TNIP3: variants seen among roughly 807,000 people sequenced by gnomAD.
TNIP3 encodes the protein TNFAIP3 interacting protein 3.
Under a neutral mutation model 54.1 loss-of-function variants are expected in TNIP3, and 34 were observed. The ratio of observed to expected loss-of-function variants is 0.63; its 90% CI spans 0.48 to 0.84. The LOEUF is 0.84. Among genes scored for constraint, TNIP3 ranks in the 40% least tolerant of loss-of-function variants. TNIP3 has a pLI of 0.00. For synonymous variants in TNIP3, 134 were observed against 136.8 expected, an observed-to-expected ratio of 0.98 and a Z score of 0.14; for missense variants, 366 against 387.6, an observed-to-expected ratio of 0.94 and a Z score of 0.47.
chr4:121,168,128 G>GCA (rs1730864389), upstream of TNIP3, among the ~76,000 whole-genome samples: 2 of 152,122 alleles, frequency 1.3e-5, no homozygotes, highest in African/African-American at 4.8e-5. Flanking sequence ...CAGGGGAGGA[G>GCA]CACATTGCCA....
chr4:121,175,391 A>G (rs1168378824), intron 3 of TNIP3, among the ~76,000 whole-genome samples: 2 of 152,162 alleles, frequency 1.3e-5, no homozygotes, highest in East Asian at 3.8e-4. Context: ...CTTCTAATTA[A>G]CATTTATAAT....
At chr4:121,213,523 G>C (rs1022368818) in intron 2 of TNIP3, among the ~76,000 whole-genome samples, 1 of 151,936 alleles carries the variant, frequency 6.6e-6, no homozygotes, top group Admixed American at 6.6e-5. Flanking sequence ...TCAGGAGATC[G>C]AGACCATTCT....
intron 2 of TNIP3, among the ~76,000 whole-genome samples, chr4:121,189,854 G>T (rs1240956928): frequency 6.6e-6 from 1 of 152,130 alleles, no homozygotes; most frequent in Non-Finnish European, 1.5e-5. Flanking sequence ...TGCATTCTTG[G>T]CTAGCTCCCT....
At position 121,154,608 on chromosome 4, in the gene TNIP3, A is replaced by G; in HGVS notation, c.435T>C (p.Asn145=). The part of the protein sequence containing the change: ...KEENKLLKGK[N]TLANKEKEHY... ...GTTCCTTTTCCTTGTTCGCAAGAGTATTTTTTCCCTTTAAAAGTTTATTCT... is the reference window on the plus strand; with the variant it reads ...GTTCCTTTTCCTTGTTCGCAAGAGTGTTTTTTCCCTTTAAAAGTTTATTCT... The change falls in exon 5 of 11, where the codon AAT becomes AAC. Residue 145 remains asparagine, a synonymous_variant. Transcript: ENST00000057513. 1 of 1,613,634 alleles carries G rather than the reference A, an allele frequency of 6.2e-7. No individual in the cohort carries two copies. The highest frequency in any genetic ancestry group is 1.7e-4 in the Middle Eastern group (1 of 6,056).
intron 2 of TNIP3, among the ~76,000 whole-genome samples, chr4:121,190,233 C>G (rs1335309463): frequency 6.6e-6 from 1 of 152,120 alleles, no homozygotes; most frequent in East Asian, 1.9e-4. Context: ...ATATCTTGGC[C>G]TTTTTGCCTG....
intron 2 of TNIP3, among the ~76,000 whole-genome samples, chr4:121,208,128 T>A (rs1726284596): frequency 6.6e-6 from 1 of 152,210 alleles, no homozygotes; most frequent in African/African-American, 2.4e-5. Context: ...GATATGTCTT[T>A]ATCAGCAGCA....
chr4:121,150,311 C>T, intron 5 of TNIP3, 92 bp from the exon 6 acceptor site: 1 of 697,636 alleles, frequency 1.4e-6, no homozygotes. Context: ...AATGCACCCA[C>T]AAATATGCAT....
At chr4:121,136,243 G>A (rs977858660) in intron 10 of TNIP3, among the ~76,000 whole-genome samples, 1 of 152,144 alleles carries the variant, frequency 6.6e-6, no homozygotes, top group African/African-American at 2.4e-5. Context: ...ACACAAAGAT[G>A]AGATTATTGA....
At chr4:121,176,176 A>G (rs970441815) in intron 3 of TNIP3, among the ~76,000 whole-genome samples, 1 of 152,228 alleles carries the variant, frequency 6.6e-6, no homozygotes, top group Non-Finnish European at 1.5e-5. Flanking sequence ...CTTTACAGAT[A>G]AAAGAAAGAT....
chr4:121,137,659 G>A (rs1728868949), intron 10 of TNIP3: 3 of 256,268 alleles, frequency 1.2e-5, no homozygotes, highest in African/African-American at 6.8e-5. Flanking sequence ...AAAACTACAT[G>A]TGGTGTCCCT....
chr4:121,221,403 T>A (rs2148853283), upstream of TNIP3, among the ~76,000 whole-genome samples: 1 of 152,300 alleles, frequency 6.6e-6, no homozygotes, highest in South Asian at 2.1e-4. Context: ...CACGTGACTA[T>A]AAAACTAACC....
intron 1 of TNIP3, among the ~76,000 whole-genome samples, chr4:121,225,829 TTGAC>T (rs1279082000): frequency 3.3e-5 from 5 of 152,138 alleles, no homozygotes; most frequent in Admixed American, 2.0e-4. Context: ...ATCAGGGACT[TTGAC>T]TGATGAGATA....
At chr4:121,188,555 G>C (rs1326642497) in intron 2 of TNIP3, among the ~76,000 whole-genome samples, 1 of 152,126 alleles carries the variant, frequency 6.6e-6, no homozygotes, top group African/African-American at 2.4e-5. Context: ...TGTTTAATGA[G>C]CTCATCTAAA....
intron 7 of TNIP3, among the ~76,000 whole-genome samples, chr4:121,143,806 A>G (rs1729266762): frequency 6.6e-6 from 1 of 152,202 alleles, no homozygotes; most frequent in South Asian, 2.1e-4. Flanking sequence ...CAAGAGTACT[A>G]TAACATGTCT....
At position 121,222,009 on chromosome 4, in the gene TNIP3, A is replaced by G. The variant is rs1398520837; in HGVS notation, c.3+5376T>C. Among the ~76,000 whole-genome samples the G allele has an allele frequency of 4.6e-5, 7 of 152,298 alleles. No homozygotes were observed. In the East Asian group the frequency reaches 9.7e-4, roughly 21 times the overall value. On this transcript the variant is annotated intron_variant, in intron 1 of 12. Coordinates refer to the TNIP3 transcript ENST00000509841. ...GATTCTGTCTGTCACCAGGGCTATC[A>G]CTACATTTGCTTGTCCCTGAATGTC...
chr4:121,195,740 T>G (rs551074438), intron 2 of TNIP3, among the ~76,000 whole-genome samples: 1 of 152,340 alleles, frequency 6.6e-6, no homozygotes, highest in African/African-American at 2.4e-5. Context: ...TTCCTAAAAC[T>G]GGGTAAGTTA....
At chr4:121,154,962 A>G (rs979271350) in intron 4 of TNIP3, among the ~76,000 whole-genome samples, 38 of 151,302 alleles carry the variant, frequency 2.5e-4, no homozygotes, top group African/African-American at 8.7e-4. Flanking sequence ...AAAATTCCCA[A>G]TTCTTTTTTT....
chr4:121,139,314 A>G (rs1728973071), intron 9 of TNIP3, among the ~76,000 whole-genome samples: 1 of 152,216 alleles, frequency 6.6e-6, no homozygotes, highest in Non-Finnish European at 1.5e-5. Flanking sequence ...CCAGTTAAGA[A>G]CAGCTAGATA....
chr4:121,169,341 T>C (rs1403675143), intron 3 of TNIP3, among the ~76,000 whole-genome samples: 1 of 152,214 alleles, frequency 6.6e-6, no homozygotes, highest in Non-Finnish European at 1.5e-5. Context: ...CTCACCTTTG[T>C]CAGGTAATGG....
Sources: gnomAD v4.1 joint callset for allele counts (sites outside exome capture counted in the v4.1 genomes callset) on GRCh38, gnomAD v4.1.1 for gene constraint, MANE v1.5 for transcripts, NCBI Gene and HGNC (gene_info 2026-07-23, HGNC 2026-07-21) for gene names.